The following PEMT variants were observed in gnomAD, a reference collection of about 807,000 sequenced individuals.
PEMT encodes the protein phosphatidylethanolamine N-methyltransferase.
PEMT carries 23 observed loss-of-function variants against 27.4 expected under a neutral mutation model. The ratio of observed to expected loss-of-function variants is 0.84; its 90% confidence interval spans 0.60 to 1.19. The LOEUF is 1.19. PEMT is among the 50% of genes most tolerant of loss of function. The pLI, the probability that PEMT is intolerant of heterozygous loss-of-function variation, is 0.00. For missense variants in PEMT, 307 were observed against 310.1 expected (o/e 0.99, Z 0.07); for synonymous variants, 137 against 139.1 (o/e 0.98, Z 0.11).
intron 1 of PEMT, among the ~76,000 whole-genome samples, chr17:17,581,664 GA>G (rs1203290090): frequency 6.6e-6 from 1 of 152,194 alleles, no homozygotes; most frequent in Non-Finnish European, 1.5e-5. Flanking sequence ...AATTAGGGCT[GA>G]ACTGGTCAAA....
In PEMT at chr17:17,508,800, G is replaced by A. The variant is rs575324464; in HGVS notation, c.578+634C>T. On this transcript the variant is annotated intron_variant, in intron 5 of 6. Coordinates refer to ENST00000255389, the MANE Select transcript of PEMT (RefSeq NM_148172.3). ...CAGTTCTAGGCTTCCCTCATGGCAC[G>A]GGGCCCCCTCTGTGGGAAGGGGTAT... 557 of 464,650 alleles carry A rather than the reference G, an allele frequency of 1.2e-3. 7 individuals carry two copies. The highest frequency in any genetic ancestry group is 7.4e-3 in the South Asian group (474 of 63,846). The allele number at this position is 464,650 out of a possible 1,614,324, so 28.8% of individuals were successfully genotyped here.
At chr17:17,554,212 A>G (rs552836596) in intron 2 of PEMT, among the ~76,000 whole-genome samples, 2 of 152,256 alleles carry the variant, frequency 1.3e-5, no homozygotes, top group Non-Finnish European at 2.9e-5. Flanking sequence ...AGTACAAAGA[A>G]GACAGCGTTA....
rs1465457487 is a variant in PEMT, at chr17:17,591,514, T to C, written c.96+17A>G. The stretch of plus-strand genomic sequence containing the variant: ...ATCCCTCTCCCAGTTTCCGCGGCGG[T>C]CCGGTGCGGTCAGTACCTGTCTAAA... On this transcript the variant is annotated intron_variant, in intron 1 of 6. Transcript: ENST00000255389. The C allele has an allele frequency of 6.3e-7, 1 of 1,590,868 alleles. No individual in the cohort carries two copies. Among genetic ancestry groups the C allele is most frequent in the South Asian group, 1.1e-5 (1 of 89,882 alleles).
chr17:17,579,569 T>G (rs1302292381), intron 1 of PEMT, among the ~76,000 whole-genome samples: 2 of 152,114 alleles, frequency 1.3e-5, no homozygotes, highest in African/African-American at 4.8e-5. Flanking sequence ...TCCCAGCTAC[T>G]CAGGAGGCTG....
rs76150425 is a variant in PEMT, at chr17:17,540,962, T to C, written c.205-18567A>G. Among the ~76,000 whole-genome samples the C allele has an allele frequency of 6.9e-3, 1,057 of 152,352 alleles. 13 individuals carry two copies. The highest frequency in any genetic ancestry group is 0.022 in the African/African-American group (930 of 41,578). ...TGGTATTTGTCTATTCTCTTCTTGC[T>C]TTCTGTGGGCACTGACAGCAGTGAC... is the stretch of plus-strand genomic sequence containing the variant. On this transcript the variant is annotated intron_variant, in intron 2 of 6. Coordinates refer to ENST00000255389, the MANE Select transcript of PEMT (RefSeq NM_148172.3).
At chr17:17,551,786 G>GTGTGTCCCAGCT (rs1909671082) in intron 2 of PEMT, among the ~76,000 whole-genome samples, 1 of 152,234 alleles carries the variant, frequency 6.6e-6, no homozygotes, top group African/African-American at 2.4e-5. Context: ...CTGGTGAGCT[G>GTGTGTCCCAGCT]CTGGTCAGCG....
chr17:17,507,106 G>C (rs1905930726), intron 5 of PEMT: 1 of 1,516,954 alleles, frequency 6.6e-7, no homozygotes, highest in East Asian at 2.5e-5. Flanking sequence ...CCCGGGCGCA[G>C]CTGCTTTGGG....
intron 2 of PEMT, among the ~76,000 whole-genome samples, chr17:17,533,721 C>T (rs540917464): frequency 5.0e-5 from 7 of 141,122 alleles, no homozygotes; most frequent in South Asian, 2.2e-4. Context: ...GAAGGCAGTT[C>T]GGCAGTGTCT....
Position 17,509,495 on chromosome 17 carries a change from T to A in PEMT, c.517A>T (p.Asn173Tyr). The change falls in exon 5 of 7, where the codon AAC becomes TAC. Residue 173 changes from asparagine to tyrosine, a missense_variant. By Grantham distance (143) the Asn-to-Tyr change is moderately radical (BLOSUM62 -2). Transcript: ENST00000255389. ...CAGTACATGGGGTTGTCCAGGATGTTGAAGGGGAACACGGTCACTCTCGCC... is the reference window on the plus strand; with the variant it reads ...CAGTACATGGGGTTGTCCAGGATGTAGAAGGGGAACACGGTCACTCTCGCC... ...KEARVTVFPF[N>Y]ILDNPMYWGS... is the part of the protein sequence containing the mutation. 2.5e-6 allele frequency: 4 copies of A among 1,613,964 alleles called. No homozygotes were observed. Among genetic ancestry groups the A allele is most frequent in the Non-Finnish European group, 2.5e-6 (3 of 1,179,882 alleles).
chr17:17,548,929 T>C (rs1483836644), intron 2 of PEMT, among the ~76,000 whole-genome samples: 1 of 152,168 alleles, frequency 6.6e-6, no homozygotes, highest in Non-Finnish European at 1.5e-5. Flanking sequence ...GTGGTGTGTG[T>C]CCAGAAGGCA....
At chr17:17,515,394 A>G (rs1906751634) in intron 3 of PEMT, among the ~76,000 whole-genome samples, 1 of 152,176 alleles carries the variant, frequency 6.6e-6, no homozygotes, top group African/African-American at 2.4e-5. Context: ...GAGAGGCCCC[A>G]GATTTGCCCC....
intron 2 of PEMT, among the ~76,000 whole-genome samples, chr17:17,552,871 T>C (rs1310965740): frequency 1.3e-5 from 2 of 152,112 alleles, no homozygotes; most frequent in African/African-American, 4.8e-5. Flanking sequence ...GGAACAACCT[T>C]TTCTGAACAC....
chr17:17,543,944 C>T (rs925361753), intron 2 of PEMT, among the ~76,000 whole-genome samples: 1 of 152,218 alleles, frequency 6.6e-6, no homozygotes, highest in Non-Finnish European at 1.5e-5. Context: ...CAGTGACTTG[C>T]CTCCATGTGG....
chr17:17,539,447 C>T (rs1239954604), intron 2 of PEMT, among the ~76,000 whole-genome samples: 1 of 152,172 alleles, frequency 6.6e-6, no homozygotes, highest in African/African-American at 2.4e-5. Context: ...GAAATGGAAT[C>T]GCGCAGGCTG....
chr17:17,506,154 A>C (rs1278493003), intron 6 of PEMT, 73 bp downstream of exon 6: 2 of 1,278,924 alleles, frequency 1.6e-6, no homozygotes, highest in East Asian at 2.5e-5. Flanking sequence ...CCCTGGCCAC[A>C]AGGAAAGGTT....
intron 1 of PEMT, among the ~76,000 whole-genome samples, chr17:17,580,770 TC>T (rs1911927803): frequency 6.6e-6 from 1 of 151,704 alleles, no homozygotes; most frequent in South Asian, 2.1e-4. Flanking sequence ...TTACCAATCC[TC>T]CCGTGGCCCA....
Position 17,512,758 on chromosome 17 carries a change from G to A in PEMT, c.321-104C>T. ...CTCGCCCTCTCCCCAGGGACCCTTA[G>A]AGAGTAGCCAGCCCAGGGCTGCCAG... On this transcript the variant is annotated intron_variant, in intron 3 of 6. Coordinates refer to ENST00000255389, the MANE Select transcript of PEMT (RefSeq NM_148172.3). The surrounding 1 kb of genome is among the most constrained non-coding windows in gnomAD (Gnocchi z 6.3). 2 of 1,170,244 alleles carry A rather than the reference G, an allele frequency of 1.7e-6. No individual in the cohort carries two copies. The highest frequency in any genetic ancestry group is 2.2e-6 in the Non-Finnish European group (2 of 895,516). The allele number at this position is 1,170,244 out of a possible 1,614,324, so 72.5% of individuals were successfully genotyped here.
chr17:17,556,494 C>A (rs1043610019), intron 2 of PEMT, among the ~76,000 whole-genome samples: 12 of 152,256 alleles, frequency 7.9e-5, no homozygotes, highest in African/African-American at 2.9e-4. Flanking sequence ...CTGCCTCAGC[C>A]TCCCGAGTAG....
chr17:17,544,074 G>C (rs939232173), intron 2 of PEMT, among the ~76,000 whole-genome samples: 1 of 151,888 alleles, frequency 6.6e-6, no homozygotes, highest in African/African-American at 2.4e-5. Flanking sequence ...TCGGTGAGGG[G>C]GGCACTGGAC....
Sources: allele counts gnomAD v4.1 joint callset (sites outside exome capture counted in the v4.1 genomes callset), GRCh38; gene constraint gnomAD v4.1.1; non-coding constraint Gnocchi (gnomAD v3.1); transcripts MANE v1.5; gene names NCBI Gene and HGNC (gene_info 2026-07-23, HGNC 2026-07-21).